Variants in HS1BP3 observed in about 807,000 individuals in gnomAD.
HS1BP3 encodes HCLS1 binding protein 3, also known as HCLS1-binding protein 3.
In HS1BP3, 32 loss-of-function variants were observed where a neutral mutation model predicts 33.5. The observed-to-expected ratio is 0.95, with a 90% CI of 0.72 to 1.28. HS1BP3 has a LOEUF of 1.28. Among genes scored for constraint, HS1BP3 ranks in the 50% most tolerant of loss-of-function variants. The pLI, the probability that HS1BP3 is intolerant of heterozygous loss-of-function variation, is 0.00. For missense variants in HS1BP3, 486 were observed against 502.3 expected, an observed-to-expected ratio of 0.97 and a Z score of 0.31; for synonymous variants, 187 against 209.2, an observed-to-expected ratio of 0.89 and a Z score of 0.92.
chr2:20,562,254 A>C (rs745700400), intron 5 of HS1BP3, among the ~76,000 whole-genome samples: 1 of 152,122 alleles, frequency 6.6e-6, no homozygotes, highest in Non-Finnish European at 1.5e-5. Context: ...TGAGGTGGGA[A>C]GAATGCTTGA....
In HS1BP3 at chr2:20,618,757, T is replaced by A; in HGVS notation, c.*230A>T. 11 of 1,345,826 alleles carry A rather than the reference T, an allele frequency of 8.2e-6. No homozygotes were observed. Among genetic ancestry groups the A allele is most frequent in the Non-Finnish European group, 1.0e-5 (11 of 1,052,114 alleles). 83.4% of individuals were successfully genotyped at this position (1,345,826 alleles called of 1,614,324 possible). A position where few individuals can be genotyped will look rare whatever the true frequency, so the allele number is the denominator to read the frequency against. ...TCATGTCCACGGGGAATAAGACACA[T>A]TGGGCTCTGGCTCCTAGGGTGAGAG... On this transcript the variant is annotated 3_prime_UTR_variant, in exon 7 of 7. Transcript: ENST00000304031.
the HS1BP3 span, among the ~76,000 whole-genome samples, chr2:20,554,932 C>T: frequency 6.6e-6 from 1 of 152,170 alleles, no homozygotes; most frequent in Admixed American, 6.5e-5. Context: ...TGGTCCTAGC[C>T]CCACCGTGGC....
chr2:20,583,679 G>A (rs1045284439), intron 5 of HS1BP3, among the ~76,000 whole-genome samples: 2 of 152,210 alleles, frequency 1.3e-5, no homozygotes, highest in African/African-American at 4.8e-5. Flanking sequence ...GAGGACCTGG[G>A]CTCTCCTCCG....
intron 5 of HS1BP3, among the ~76,000 whole-genome samples, chr2:20,570,493 G>T (rs184731298): frequency 1.3e-5 from 2 of 152,154 alleles, no homozygotes; most frequent in African/African-American, 4.8e-5. Context: ...ACTCGATGTC[G>T]CCTGGCAGCT....
At chr2:20,596,617 C>A (rs1693948703) in intron 3 of HS1BP3, among the ~76,000 whole-genome samples, 1 of 152,216 alleles carries the variant, frequency 6.6e-6, no homozygotes, top group African/African-American at 2.4e-5. Context: ...TTTATAATCA[C>A]CCAGTCTATG....
chr2:20,620,535 G>A (rs1375542913), intron 6 of HS1BP3, among the ~76,000 whole-genome samples: 1 of 152,216 alleles, frequency 6.6e-6, no homozygotes, highest in Non-Finnish European at 1.5e-5. Context: ...ACAAGCAGGA[G>A]TAACAGTGTC....
chr2:20,567,644 C>T (rs573309785), intron 5 of HS1BP3, among the ~76,000 whole-genome samples: 7 of 152,276 alleles, frequency 4.6e-5, no homozygotes, highest in South Asian at 4.2e-4. Context: ...CCTGGAATGC[C>T]GTGGGGCCAG....
At chr2:20,629,842 G>A (rs1694916188) in intron 4 of HS1BP3, among the ~76,000 whole-genome samples, 1 of 152,224 alleles carries the variant, frequency 6.6e-6, no homozygotes, top group Non-Finnish European at 1.5e-5. Context: ...TGCCGCGGCT[G>A]ACAGCTCCAA....
chr2:20,575,308 G>T (rs1572295466), intron 5 of HS1BP3, among the ~76,000 whole-genome samples: 1 of 152,334 alleles, frequency 6.6e-6, no homozygotes, highest in Non-Finnish European at 1.5e-5. Context: ...GACAGGCAGG[G>T]CTAGGGACAG....
chr2:20,570,662 G>C (rs564143717), intron 5 of HS1BP3, among the ~76,000 whole-genome samples: 5 of 152,212 alleles, frequency 3.3e-5, no homozygotes, highest in Non-Finnish European at 7.3e-5. Flanking sequence ...CAGAGCAAGA[G>C]GTGGTTCCCA....
chr2:20,605,690 C>T (rs980368064), intron 2 of HS1BP3, among the ~76,000 whole-genome samples: 1 of 152,172 alleles, frequency 6.6e-6, no homozygotes, highest in African/African-American at 2.4e-5. Context: ...ATGTGTGACC[C>T]TTGGTGACTG....
intron 5 of HS1BP3, among the ~76,000 whole-genome samples, chr2:20,570,854 G>T (rs1572291760): frequency 6.6e-6 from 1 of 152,322 alleles, no homozygotes; most frequent in Non-Finnish European, 1.5e-5. Flanking sequence ...GTTGCATAAA[G>T]GGTCACTGTT....
In HS1BP3 at chr2:20,604,164, G is replaced by A. The variant is rs1389929903; in HGVS notation, c.179-5899C>T. Among the ~76,000 whole-genome samples the A allele has an allele frequency of 2.0e-5, 3 of 152,234 alleles. No homozygotes were observed. In the East Asian group the frequency reaches 5.8e-4, roughly 29 times the overall value. ...CCTTAAGGGGCTGAGAAACTCAGGGGAGGTTCTGGAAGGCAGGAGCTGCAG... is the reference window on the plus strand; with the variant it reads ...CCTTAAGGGGCTGAGAAACTCAGGGAAGGTTCTGGAAGGCAGGAGCTGCAG... On this transcript the variant is annotated intron_variant, in intron 2 of 3. Coordinates refer to the HS1BP3 transcript ENST00000415264.
chr2:20,603,444 C>A (rs1027830442), intron 2 of HS1BP3, among the ~76,000 whole-genome samples: 6 of 152,172 alleles, frequency 3.9e-5, no homozygotes, highest in African/African-American at 1.2e-4. Flanking sequence ...ACATGGATGA[C>A]CCTTGAAAGC....
chr2:20,562,772 T>A (rs1180231312), intron 5 of HS1BP3, among the ~76,000 whole-genome samples: 2 of 152,218 alleles, frequency 1.3e-5, no homozygotes, highest in Non-Finnish European at 2.9e-5. Context: ...GACAGGCAGC[T>A]GGTGTCTGCT....
intron 5 of HS1BP3, among the ~76,000 whole-genome samples, chr2:20,581,013 C>T (rs188524178): frequency 6.6e-6 from 1 of 152,246 alleles, no homozygotes; most frequent in Non-Finnish European, 1.5e-5. Flanking sequence ...GTCAGGCATG[C>T]ACTCCAGGCA....
downstream of HS1BP3, among the ~76,000 whole-genome samples, chr2:20,613,412 G>T (rs1177054161): frequency 1.3e-5 from 2 of 152,188 alleles, no homozygotes; most frequent in Non-Finnish European, 2.9e-5. Context: ...TGGCAAGGGG[G>T]AGCCCCAGGA....
In HS1BP3 at chr2:20,644,440, C is replaced by CTACA. The variant is rs1343539906; in HGVS notation, c.198+896_198+899dup. ...ACCTCCAAGTTGATGACTCCCAAGC[C>CTACA]TACATCTCAGGCCTGAGCTCGTCCC... On this transcript the variant is annotated intron_variant, in intron 2 of 6. Transcript: ENST00000304031. 2.6e-5 allele frequency among the ~76,000 whole-genome samples: 4 copies of CTACA among 152,220 alleles called. No homozygotes were observed. In the East Asian group the frequency reaches 7.7e-4, roughly 29 times the overall value.
intron 6 of HS1BP3, chr2:20,622,630 C>A: frequency 3.6e-6 from 1 of 279,172 alleles, no homozygotes; most frequent in Admixed American, 4.1e-5. Context: ...TGGGAAGTAA[C>A]GGATTTAGAA....
Sources: allele counts gnomAD v4.1 joint callset (sites outside exome capture counted in the v4.1 genomes callset), GRCh38; gene constraint gnomAD v4.1.1; transcripts MANE v1.5; gene names NCBI Gene and HGNC (gene_info 2026-07-23, HGNC 2026-07-21).